OPCML: variants seen among roughly 807,000 people sequenced by gnomAD.
The protein encoded by OPCML is opioid-binding protein/cell adhesion molecule.
OPCML carries 13 observed loss-of-function variants against 37.8 expected under a neutral mutation model. The observed-to-expected ratio is 0.34, with a 90% CI of 0.22 to 0.55. The LOEUF (loss-of-function observed/expected upper bound fraction) is 0.55. Among genes scored for constraint, OPCML ranks in the 20% least tolerant of loss-of-function variants. OPCML has a pLI of 0.91. For synonymous variants in OPCML, 176 were observed against 168.8 expected, an observed-to-expected ratio of 1.04 and a Z score of -0.33; for missense variants, 341 against 435.6, an observed-to-expected ratio of 0.78 and a Z score of 1.93.
chr11:132,844,791 C>A (rs1371688006), intron 2 of OPCML, among the ~76,000 whole-genome samples: 3 of 151,978 alleles, frequency 2.0e-5, no homozygotes, highest in Non-Finnish European at 4.4e-5. Flanking sequence ...AAACATGTGG[C>A]AAGTGAGAGT....
chr11:132,659,375 A>G (rs761824062), intron 2 of OPCML, among the ~76,000 whole-genome samples: 9 of 152,246 alleles, frequency 5.9e-5, no homozygotes, highest in Non-Finnish European at 1.2e-4. Context: ...GTGAATTTTC[A>G]TAAAGGAGAA....
chr11:132,788,385 C>T (rs1043995097), intron 2 of OPCML, among the ~76,000 whole-genome samples: 2 of 152,154 alleles, frequency 1.3e-5, no homozygotes, highest in Admixed American at 1.3e-4. Flanking sequence ...TTCTGTCTCC[C>T]AAATATATTT....
At chr11:133,060,242 G>A (rs1376799010) in intron 1 of OPCML, among the ~76,000 whole-genome samples, 1 of 148,136 alleles carries the variant, frequency 6.8e-6, no homozygotes, top group African/African-American at 2.5e-5. Flanking sequence ...ATCCCCTCAG[G>A]ATTCACAGCT....
intron 2 of OPCML, among the ~76,000 whole-genome samples, chr11:132,686,537 G>T (rs569748018): frequency 6.6e-6 from 1 of 152,218 alleles, no homozygotes; most frequent in East Asian, 1.9e-4. Context: ...AAAACATCGT[G>T]CCTCTTATGC....
chr11:133,368,557 T>C (rs559699938), intron 1 of OPCML, among the ~76,000 whole-genome samples: 107 of 152,306 alleles, frequency 7.0e-4, no homozygotes, highest in Non-Finnish European at 1.2e-3. Context: ...TTACCAACCA[T>C]CTTAAACAGT....
At chr11:133,201,237 A>G (rs1013586225) in intron 1 of OPCML, among the ~76,000 whole-genome samples, 1 of 151,946 alleles carries the variant, frequency 6.6e-6, no homozygotes, top group African/African-American at 2.4e-5. Flanking sequence ...AGGACACACA[A>G]TTTAGCCACG....
intron 1 of OPCML, among the ~76,000 whole-genome samples, chr11:133,502,375 T>C (rs537123513): frequency 2.6e-5 from 4 of 152,250 alleles, no homozygotes; most frequent in African/African-American, 7.2e-5. Flanking sequence ...GGTGACGCAG[T>C]CCATGCTGTT....
At chr11:133,516,821 T>C (rs2120666042) in intron 1 of OPCML, among the ~76,000 whole-genome samples, 1 of 152,322 alleles carries the variant, frequency 6.6e-6, no homozygotes, top group East Asian at 1.9e-4. Flanking sequence ...TTCCCTTCAG[T>C]GGTCTTTTTT....
intron 2 of OPCML, among the ~76,000 whole-genome samples, chr11:132,719,330 T>C (rs1170744334): frequency 6.6e-6 from 1 of 152,206 alleles, no homozygotes; most frequent in African/African-American, 2.4e-5. Flanking sequence ...TTGGTTGGTG[T>C]TGGGGAGGGT....
At chr11:133,099,708 T>G (rs140818768) in intron 1 of OPCML, among the ~76,000 whole-genome samples, 1 of 152,162 alleles carries the variant, frequency 6.6e-6, no homozygotes, top group Non-Finnish European at 1.5e-5. Flanking sequence ...TGGATGCATG[T>G]CTGTCTTCTT....
chr11:132,925,555 C>T (rs1289110931), intron 2 of OPCML, among the ~76,000 whole-genome samples: 3 of 152,132 alleles, frequency 2.0e-5, no homozygotes, highest in South Asian at 2.1e-4. Flanking sequence ...ATGGGGACTC[C>T]GCAAGGACTT....
intron 1 of OPCML, among the ~76,000 whole-genome samples, chr11:133,388,596 T>C (rs1192939223): frequency 1.3e-5 from 2 of 152,330 alleles, no homozygotes; most frequent in East Asian, 3.9e-4. Flanking sequence ...CCAGGAATGT[T>C]GAACGTACTG....
At chr11:133,391,545 C>T (rs78080733) in intron 1 of OPCML, among the ~76,000 whole-genome samples, 5,071 of 152,228 alleles carry the variant, frequency 0.033, 286 homozygotes, top group African/African-American at 0.11. Flanking sequence ...AGCTCTCATC[C>T]GCTGAGCGCT....
At chr11:132,627,838 C>T (rs972276936) in intron 3 of OPCML, among the ~76,000 whole-genome samples, 5 of 152,068 alleles carry the variant, frequency 3.3e-5, no homozygotes, top group African/African-American at 1.2e-4. Flanking sequence ...CAAATTCAAT[C>T]GAAGCTCATT....
At chr11:133,496,608 C>A (rs1947792942) in intron 1 of OPCML, among the ~76,000 whole-genome samples, 1 of 152,058 alleles carries the variant, frequency 6.6e-6, no homozygotes, top group Non-Finnish European at 1.5e-5. Flanking sequence ...TTGTAGAAGT[C>A]TTTTGATTCT....
rs1411712497 is a variant in OPCML at position 133,433,177 on chromosome 11, G to A, written c.61+99087C>T. Among the ~76,000 whole-genome samples, 8 of 149,352 alleles carry A rather than the reference G, an allele frequency of 5.4e-5. No individual in the cohort carries two copies. The South Asian group carries it at 1.5e-3, about 27-fold the overall frequency. On this transcript the variant is annotated intron_variant, in intron 1 of 7. Coordinates refer to ENST00000524381, the MANE Select transcript of OPCML (RefSeq NM_001012393.5). ...ATTACTAGGAGAATGGCGTGAACCC[G>A]GGAGGCGGAGCTTGCAGTGAGCCGA...
chr11:132,774,651 G>A (rs1171897188), intron 2 of OPCML, among the ~76,000 whole-genome samples: 1 of 152,152 alleles, frequency 6.6e-6, no homozygotes, highest in Non-Finnish European at 1.5e-5. Context: ...CCAGAAATTA[G>A]AATAACTGGC....
intron 2 of OPCML, among the ~76,000 whole-genome samples, chr11:132,867,229 T>C (rs1942601577): frequency 6.6e-6 from 1 of 152,140 alleles, no homozygotes; most frequent in Admixed American, 6.5e-5. Context: ...GACGTCTTGA[T>C]GGGAATGGAA....
intron 3 of OPCML, among the ~76,000 whole-genome samples, chr11:132,585,597 C>G (rs1427845912): frequency 6.6e-6 from 1 of 152,036 alleles, no homozygotes; most frequent in Non-Finnish European, 1.5e-5. Flanking sequence ...CAAGATCGGG[C>G]AATTGTCACA....
Sources: allele counts gnomAD v4.1 joint callset (sites outside exome capture counted in the v4.1 genomes callset), GRCh38; gene constraint gnomAD v4.1.1; transcripts MANE v1.5; gene names NCBI Gene and HGNC (gene_info 2026-07-23, HGNC 2026-07-21).